KLF12: variants seen among roughly 807,000 people sequenced by gnomAD.
KLF12 encodes the protein KLF transcription factor 12.
KLF12 carries 9 observed loss-of-function variants against 37.8 expected under a neutral mutation model. That is an observed-to-expected ratio of 0.24 (90% CI 0.14 to 0.42). The LOEUF (loss-of-function observed/expected upper bound fraction) is 0.42, where lower values mean the gene tolerates loss of function less well. KLF12 is among the 10% of genes least tolerant of loss of function. The pLI, the probability that KLF12 is intolerant of heterozygous loss-of-function variation, is 1.00. For missense variants in KLF12, 411 were observed against 516.0 expected, an observed-to-expected ratio of 0.80 and a Z score of 1.97; for synonymous variants, 208 against 202.1, an observed-to-expected ratio of 1.03 and a Z score of -0.25.
At chr13:73,938,879 G>A (rs965485179) in intron 3 of KLF12, among the ~76,000 whole-genome samples, 5 of 152,084 alleles carry the variant, frequency 3.3e-5, no homozygotes, top group African/African-American at 1.2e-4. Flanking sequence ...TTCTATACTT[G>A]TCTGCGGCAA....
the KLF12 span, among the ~76,000 whole-genome samples, chr13:74,166,245 C>A: frequency 2.0e-5 from 3 of 151,942 alleles, no homozygotes; most frequent in Non-Finnish European, 2.9e-5. Context: ...ATGCTTGCCA[C>A]AATGCTCAGC....
the KLF12 span, among the ~76,000 whole-genome samples, chr13:74,153,026 A>T: frequency 6.6e-6 from 1 of 151,984 alleles, no homozygotes; most frequent in Non-Finnish European, 1.5e-5. Context: ...ACTAATTAAG[A>T]GCTATTGTTT....
rs896743313 is a variant in KLF12 at position 73,997,738 on chromosome 13, G to C, written c.-31-2685C>G. ...TAAAGGCCAGTGGCCTCATCAAAAT[G>C]CTCATGACGCATGGTTTTGGTCCTC... On this transcript the variant is annotated intron_variant, in intron 1 of 7. Transcript: ENST00000377669. Among the ~76,000 whole-genome samples the C allele has an allele frequency of 2.6e-5, 4 of 152,314 alleles. No individual in the cohort carries two copies. In the East Asian group the frequency reaches 7.7e-4, roughly 29 times the overall value.
At chr13:74,154,691 C>T in the KLF12 span, among the ~76,000 whole-genome samples, 3 of 152,102 alleles carry the variant, frequency 2.0e-5, no homozygotes, top group Admixed American at 6.5e-5. Context: ...CCACTAGCTG[C>T]GAGATAATAG....
At chr13:73,706,583 CA>C (rs1452607189) in intron 7 of KLF12, among the ~76,000 whole-genome samples, 1 of 152,154 alleles carries the variant, frequency 6.6e-6, no homozygotes, top group African/African-American at 2.4e-5. Context: ...ATTTTGTTAC[CA>C]ATCCAAATTT....
chr13:73,938,708 C>T (rs995792339), intron 3 of KLF12, among the ~76,000 whole-genome samples: 2 of 152,168 alleles, frequency 1.3e-5, no homozygotes, highest in African/African-American at 4.8e-5. Flanking sequence ...TAATGTCCTG[C>T]AGAATGGTTT....
intron 5 of KLF12, among the ~76,000 whole-genome samples, chr13:73,784,678 T>C (rs1280295784): frequency 6.6e-6 from 1 of 150,750 alleles, no homozygotes; most frequent in South Asian, 2.1e-4. Flanking sequence ...TTGCCCAGGC[T>C]GGAGTGCAGT....
At chr13:74,276,568 A>C in the KLF12 span, among the ~76,000 whole-genome samples, 2 of 152,144 alleles carry the variant, frequency 1.3e-5, no homozygotes, top group African/African-American at 4.8e-5. Context: ...TTATTTTATA[A>C]GTTTATTCTG....
the KLF12 span, among the ~76,000 whole-genome samples, chr13:74,222,181 A>G: frequency 6.6e-6 from 1 of 152,234 alleles, no homozygotes; most frequent in African/African-American, 2.4e-5. Flanking sequence ...AGTAAATAAA[A>G]TAGAAATGTG....
chr13:73,802,514 T>C (rs968746747), intron 5 of KLF12, among the ~76,000 whole-genome samples: 2 of 152,146 alleles, frequency 1.3e-5, no homozygotes, highest in African/African-American at 2.4e-5. Flanking sequence ...ATGTGCAGAT[T>C]TGTTACCTGG....
intron 1 of KLF12, among the ~76,000 whole-genome samples, chr13:74,099,436 G>A (rs959440034): frequency 7.9e-5 from 12 of 152,204 alleles, no homozygotes; most frequent in African/African-American, 2.6e-4. Context: ...ATCTCATTTT[G>A]CTCAGAAACA....
intron 1 of KLF12, among the ~76,000 whole-genome samples, chr13:74,095,213 T>C (rs1875907594): frequency 6.6e-6 from 1 of 152,156 alleles, no homozygotes; most frequent in African/African-American, 2.4e-5. Flanking sequence ...AGATCATGTC[T>C]TTTTCAAGAT....
chr13:74,028,604 T>C (rs1893035597), intron 1 of KLF12, among the ~76,000 whole-genome samples: 1 of 152,106 alleles, frequency 6.6e-6, no homozygotes, highest in Non-Finnish European at 1.5e-5. Context: ...GCAATATTTA[T>C]TGAAAGACTA....
chr13:74,241,966 C>T, the KLF12 span, among the ~76,000 whole-genome samples: 1 of 152,132 alleles, frequency 6.6e-6, no homozygotes, highest in Non-Finnish European at 1.5e-5. Context: ...CTTGGCTCCT[C>T]CCCCCAGGTA....
intron 1 of KLF12, among the ~76,000 whole-genome samples, chr13:74,108,220 A>G (rs555604603): frequency 7.2e-5 from 11 of 152,124 alleles, no homozygotes; most frequent in African/African-American, 2.2e-4. Flanking sequence ...AATAATAATA[A>G]TAATTTGTCT....
chr13:74,071,583 C>T (rs1874247158), intron 1 of KLF12, among the ~76,000 whole-genome samples: 2 of 152,044 alleles, frequency 1.3e-5, no homozygotes, highest in Admixed American at 1.3e-4. Flanking sequence ...GTCCCAGCTA[C>T]TCGGGAGGCT....
At chr13:73,741,199 A>T (rs1281183225) in intron 6 of KLF12, among the ~76,000 whole-genome samples, 1 of 152,120 alleles carries the variant, frequency 6.6e-6, no homozygotes, top group Admixed American at 6.5e-5. Flanking sequence ...TATAGGAGAG[A>T]AAACCCAAAA....
intron 2 of KLF12, among the ~76,000 whole-genome samples, chr13:73,947,737 G>A (rs759734031): frequency 4.0e-5 from 6 of 151,138 alleles, no homozygotes; most frequent in Admixed American, 6.6e-5. Flanking sequence ...CACAACAGTC[G>A]TTGATCCCAA....
chr13:73,982,307 A>G (rs1326844411), intron 2 of KLF12, among the ~76,000 whole-genome samples: 1 of 152,236 alleles, frequency 6.6e-6, no homozygotes, highest in Non-Finnish European at 1.5e-5. Context: ...AACACTCAAC[A>G]AACTAAAAGA....
Sources: gnomAD v4.1 joint callset for allele counts (sites outside exome capture counted in the v4.1 genomes callset) on GRCh38, gnomAD v4.1.1 for gene constraint, MANE v1.5 for transcripts, NCBI Gene and HGNC (gene_info 2026-07-23, HGNC 2026-07-21) for gene names.